Variants in ZFHX3 observed in about 807,000 individuals in gnomAD.
ZFHX3 encodes the protein zinc finger homeobox protein 3.
Under a neutral mutation model 279.1 loss-of-function variants are expected in ZFHX3, and 42 were observed. That is an observed-to-expected ratio of 0.15 (90% CI 0.12 to 0.19). The LOEUF (loss-of-function observed/expected upper bound fraction) is 0.19. Among genes scored for constraint, ZFHX3 ranks in the 10% least tolerant of loss-of-function variants. The probability of loss-of-function intolerance (pLI) is 1.00; values close to 1 mark genes in which losing one functional copy is unlikely to be tolerated. For missense variants in ZFHX3, 4,981 were observed against 4,754.0 expected (o/e 1.05, Z -1.40); for synonymous variants, 2,293 against 1,957.8 (o/e 1.17, Z -4.52).
chr16:72,840,140 T>A (rs2037309306), intron 4 of ZFHX3, among the ~76,000 whole-genome samples: 1 of 151,874 alleles, frequency 6.6e-6, no homozygotes, highest in African/African-American at 2.4e-5. Context: ...AAAAAATCCG[T>A]TTCCTTATTT....
chr16:73,059,521 CCTTTCT>C (rs1237020497), exon 1 of ZFHX3: 9 of 64,018 alleles, frequency 1.4e-4, no homozygotes, highest in African/African-American at 6.6e-4. Context: ...ATTATTTTCC[CCTTTCT>C]CTCTCTCTCT....
intron 2 of ZFHX3, among the ~76,000 whole-genome samples, chr16:73,498,371 C>T (rs773668122): frequency 1.3e-5 from 2 of 152,136 alleles, no homozygotes; most frequent in Admixed American, 6.5e-5. Flanking sequence ...CAGTTGGTTC[C>T]GTGAGTGTGC....
chr16:73,328,064 T>A lies in ZFHX3; in HGVS notation c.-1290-9728A>T, dbSNP rs543403295. On this transcript the variant is annotated intron_variant, in intron 3 of 17. Coordinates refer to the ZFHX3 transcript ENST00000641206. ...ACCATTTTCCTATGCTTTTTAAATTTAATTTAATTTTTATTTATTTTTATT... is the reference window on the plus strand; with the variant it reads ...ACCATTTTCCTATGCTTTTTAAATTAAATTTAATTTTTATTTATTTTTATT... Among the ~76,000 whole-genome samples the A allele has an allele frequency of 3.9e-5, 6 of 152,338 alleles. No individual in the cohort carries two copies. The South Asian group carries it at 6.2e-4, about 16-fold the overall frequency.
intron 1 of ZFHX3, among the ~76,000 whole-genome samples, chr16:73,034,954 G>A (rs1157302178): frequency 1.3e-5 from 2 of 152,192 alleles, no homozygotes; most frequent in African/African-American, 2.4e-5. Flanking sequence ...AATGCAAGCA[G>A]CTGGTCACAG....
At chr16:73,153,759 C>G (rs901703441) in intron 5 of ZFHX3, among the ~76,000 whole-genome samples, 1 of 152,100 alleles carries the variant, frequency 6.6e-6, no homozygotes, top group Non-Finnish European at 1.5e-5. Flanking sequence ...AAGCAGTTCT[C>G]CTGCCTCAGC....
At chr16:73,843,685 T>C (rs190717012) in intron 1 of ZFHX3, among the ~76,000 whole-genome samples, 3 of 152,230 alleles carry the variant, frequency 2.0e-5, no homozygotes, top group Admixed American at 2.0e-4. Flanking sequence ...CAAGATACCC[T>C]GTATTTTTTA....
chr16:73,221,089 G>A (rs2012403813), intron 5 of ZFHX3, among the ~76,000 whole-genome samples: 2 of 152,174 alleles, frequency 1.3e-5, no homozygotes, highest in Admixed American at 1.3e-4. Context: ...CTCTTGGGAA[G>A]CATAGCATAA....
At chr16:73,245,364 G>A (rs1362855108) in intron 5 of ZFHX3, among the ~76,000 whole-genome samples, 1 of 152,008 alleles carries the variant, frequency 6.6e-6, no homozygotes, top group East Asian at 1.9e-4. Flanking sequence ...CAAACTCTTG[G>A]GCTCTAGCAA....
chr16:73,518,588 C>T (rs931165822), intron 2 of ZFHX3, among the ~76,000 whole-genome samples: 1 of 152,144 alleles, frequency 6.6e-6, no homozygotes, highest in Non-Finnish European at 1.5e-5. Context: ...CCGAGCAAGA[C>T]ATATTTAACC....
intron 7 of ZFHX3, among the ~76,000 whole-genome samples, chr16:73,104,236 T>TTTA: frequency 1.3e-5 from 2 of 149,132 alleles, no homozygotes; most frequent in Non-Finnish European, 1.5e-5. Flanking sequence ...TATTTATTTA[T>TTTA]TTTATTTTTT....
intron 2 of ZFHX3, among the ~76,000 whole-genome samples, chr16:73,600,561 GCGCCCGCCACCA>G (rs1170925943): frequency 6.6e-6 from 1 of 151,906 alleles, no homozygotes; most frequent in Non-Finnish European, 1.5e-5. Flanking sequence ...GGGACTACAG[GCGCCCGCCACCA>G]CGCCCGGCCA....
intron 2 of ZFHX3, among the ~76,000 whole-genome samples, chr16:73,646,997 T>C (rs2142161453): frequency 6.7e-6 from 1 of 149,934 alleles, no homozygotes; most frequent in Non-Finnish European, 1.5e-5. Context: ...CAAATGGCAG[T>C]ACTCGTTGTG....
At chr16:72,788,921 G>T in intron 9 of ZFHX3, 73 bp from the exon 10 acceptor site, 1 of 1,496,096 alleles carries the variant, frequency 6.7e-7, no homozygotes, top group Admixed American at 2.4e-5. Flanking sequence ...ACGTTTTACC[G>T]GTGTCACTGG....
At chr16:73,239,338 T>A (rs187074220) in intron 5 of ZFHX3, among the ~76,000 whole-genome samples, 1 of 152,312 alleles carries the variant, frequency 6.6e-6, no homozygotes, top group Admixed American at 6.5e-5. Flanking sequence ...TTTGCTGATG[T>A]GGTAGAAACT....
chr16:73,832,767 T>C (rs1961032611), intron 1 of ZFHX3, among the ~76,000 whole-genome samples: 1 of 152,182 alleles, frequency 6.6e-6, no homozygotes, highest in Admixed American at 6.5e-5. Context: ...TTTGCTCACA[T>C]GCTGGTATAT....
At chr16:73,682,959 AAAG>A (rs1567550715) in intron 1 of ZFHX3, among the ~76,000 whole-genome samples, 14 of 23,300 alleles carry the variant, frequency 6.0e-4, no homozygotes, top group South Asian at 1.8e-3. Flanking sequence ...AGAAAGAAAG[AAAG>A]AAAGAAAGAA....
chr16:73,019,832 A>G (rs912763603), intron 1 of ZFHX3, among the ~76,000 whole-genome samples: 1 of 152,034 alleles, frequency 6.6e-6, no homozygotes, highest in Non-Finnish European at 1.5e-5. Context: ...TCTGCCCACA[A>G]CTGGAACTGT....
intron 1 of ZFHX3, among the ~76,000 whole-genome samples, chr16:73,890,795 T>C (rs986840710): frequency 6.6e-6 from 1 of 151,962 alleles, no homozygotes; most frequent in African/African-American, 2.4e-5. Context: ...TCACGTGCGC[T>C]AGGGCTCCGG....
chr16:73,681,176 G>C (rs1161992627), intron 1 of ZFHX3, among the ~76,000 whole-genome samples: 1 of 152,186 alleles, frequency 6.6e-6, no homozygotes, highest in Non-Finnish European at 1.5e-5. Flanking sequence ...TAAGCATCTT[G>C]CTATTATTTC....
Sources: allele counts gnomAD v4.1 joint callset (sites outside exome capture counted in the v4.1 genomes callset), GRCh38; gene constraint gnomAD v4.1.1; transcripts MANE v1.5; gene names NCBI Gene and HGNC (gene_info 2026-07-23, HGNC 2026-07-21).